Variants in WDR7 observed in about 807,000 individuals in gnomAD.
The protein encoded by WDR7 is WD repeat domain 7, also known as WD repeat-containing protein 7.
A neutral mutation model predicts 169.4 loss-of-function variants in WDR7; 46 were observed. The ratio of observed to expected loss-of-function variants is 0.27; its 90% CI spans 0.21 to 0.35. The LOEUF (loss-of-function observed/expected upper bound fraction) is 0.35. WDR7 is among the 10% of genes least tolerant of loss of function. The probability of loss-of-function intolerance (pLI) is 1.00; values close to 1 mark genes in which losing one functional copy is unlikely to be tolerated. For synonymous variants in WDR7, 612 were observed against 666.8 expected (o/e 0.92, Z 1.27); for missense variants, 1,534 against 1,859.3 (o/e 0.83, Z 3.22).
intron 19 of WDR7, 92 bp downstream of exon 19, chr18:56,781,748 A>G: frequency 7.9e-7 from 1 of 1,261,626 alleles, no homozygotes; most frequent in Non-Finnish European, 1.0e-6. Context: ...ACCCATCAAC[A>G]AAAATGAGTC....
At chr18:56,917,042 A>G (rs2046638036) in intron 21 of WDR7, among the ~76,000 whole-genome samples, 3 of 152,126 alleles carry the variant, frequency 2.0e-5, no homozygotes, top group African/African-American at 7.2e-5. Flanking sequence ...CTAAAGATAC[A>G]AAAAATTAGC....
intron 19 of WDR7, among the ~76,000 whole-genome samples, chr18:56,794,410 C>T (rs530265892): frequency 8.9e-5 from 13 of 145,792 alleles, no homozygotes; most frequent in East Asian, 6.1e-4. Flanking sequence ...CCTGGGTTCA[C>T]GCCATTCTCC....
chr18:56,733,020 G>A (rs2026621141), intron 14 of WDR7, among the ~76,000 whole-genome samples: 1 of 152,202 alleles, frequency 6.6e-6, no homozygotes, highest in South Asian at 2.1e-4. Context: ...GTTATGAATG[G>A]CTTTTGTAAG....
chr18:56,724,226 T>TC (rs2026387729), intron 13 of WDR7, among the ~76,000 whole-genome samples: 1 of 149,932 alleles, frequency 6.7e-6, no homozygotes, highest in Non-Finnish European at 1.5e-5. Context: ...TTTTTTTTTT[T>TC]TTGAGACAGA....
At chr18:56,698,702 A>G (rs558399971) in intron 12 of WDR7, among the ~76,000 whole-genome samples, 1 of 152,358 alleles carries the variant, frequency 6.6e-6, no homozygotes, top group Admixed American at 6.5e-5. Context: ...AAATACTAAT[A>G]GACATATATG....
At chr18:56,747,281 C>G (rs537243815) in intron 14 of WDR7, among the ~76,000 whole-genome samples, 1 of 152,240 alleles carries the variant, frequency 6.6e-6, no homozygotes, top group South Asian at 2.1e-4. Context: ...GACTGACTGA[C>G]TTATCTCTCA....
At chr18:56,833,148 C>T (rs907536143) in intron 20 of WDR7, among the ~76,000 whole-genome samples, 8 of 151,838 alleles carry the variant, frequency 5.3e-5, no homozygotes, top group Non-Finnish European at 8.8e-5. Flanking sequence ...ACATAAACGA[C>T]CTGATGGAAC....
intron 20 of WDR7, among the ~76,000 whole-genome samples, chr18:56,824,907 T>C (rs1250766131): frequency 6.6e-6 from 1 of 152,236 alleles, no homozygotes; most frequent in East Asian, 1.9e-4. Context: ...CTTGTCTTAA[T>C]GAGCAGGTGG....
chr18:56,740,114 C>A (rs535876132), intron 14 of WDR7, among the ~76,000 whole-genome samples: 1 of 151,910 alleles, frequency 6.6e-6, no homozygotes, highest in Middle Eastern at 3.4e-3. Flanking sequence ...TAATCTTTGT[C>A]TCCCTCTGTG....
intron 26 of WDR7, among the ~76,000 whole-genome samples, chr18:57,015,772 G>T (rs1356403295): frequency 2.6e-5 from 4 of 152,230 alleles, no homozygotes; most frequent in African/African-American, 9.6e-5. Flanking sequence ...GCGTTGCCGG[G>T]TATCATTAAG....
intron 19 of WDR7, among the ~76,000 whole-genome samples, chr18:56,809,093 TC>T (rs947097084): frequency 3.9e-5 from 6 of 152,098 alleles, no homozygotes; most frequent in Non-Finnish European, 7.4e-5. Context: ...GCCCCCATTT[TC>T]CTCCTGATGC....
rs76921132 is a variant in WDR7 at position 56,940,265 on chromosome 18, A to G, written c.4064+872A>G. On this transcript the variant is annotated intron_variant, in intron 25 of 27. Transcript: ENST00000254442. ...TGAATACATTGTAGTAGAAAGCTTC[A>G]TTTTAGACTACAGCTTTCCTGAGAG... 8.1e-3 allele frequency among the ~76,000 whole-genome samples: 1,230 copies of G among 152,284 alleles called. 37 individuals carry two copies. The highest frequency in any genetic ancestry group is 0.053 in the East Asian group (274 of 5,182).
chr18:56,835,698 A>G (rs1308644030), intron 20 of WDR7, among the ~76,000 whole-genome samples: 1 of 152,190 alleles, frequency 6.6e-6, no homozygotes, highest in Non-Finnish European at 1.5e-5. Context: ...GAGTATTTAT[A>G]AGAATGTATA....
At chr18:57,011,809 C>G (rs1285105929) in intron 26 of WDR7, among the ~76,000 whole-genome samples, 1 of 152,076 alleles carries the variant, frequency 6.6e-6, no homozygotes, top group Non-Finnish European at 1.5e-5. Context: ...CTTTTCAATA[C>G]TAGAGAGTTT....
Position 56,757,037 on chromosome 18 carries a change from T to C in WDR7, c.2444T>C (p.Val815Ala), listed in dbSNP as rs747440049. 2.5e-6 allele frequency: 4 copies of C among 1,614,122 alleles called. No individual in the cohort carries two copies. The highest frequency in any genetic ancestry group is 3.4e-6 in the Non-Finnish European group (4 of 1,180,010). ...SCLHAWGLNE[V>A]LDEVCLDRLG... ...CTTCACGCCTGGGGTTTGAATGAAG[T>C]ACTGGATGAAGTTTGCCTGGATCGC... Residue 815 changes from valine to alanine, a missense_variant, in exon 15 of 28, where the codon GTA becomes GCA. By Grantham distance (64) the Val-to-Ala change is moderately conservative. Coordinates refer to ENST00000254442, the MANE Select transcript of WDR7 (RefSeq NM_015285.3).
intron 21 of WDR7, among the ~76,000 whole-genome samples, chr18:56,881,831 C>T (rs1198158624): frequency 6.6e-6 from 1 of 152,124 alleles, no homozygotes; most frequent in Non-Finnish European, 1.5e-5. Context: ...AAGGATCCAC[C>T]CACCTCAGCC....
At chr18:56,980,426 C>G (rs1392215190) in intron 26 of WDR7, among the ~76,000 whole-genome samples, 3 of 152,154 alleles carry the variant, frequency 2.0e-5, no homozygotes, top group Admixed American at 2.0e-4. Flanking sequence ...GCTCGTTCAT[C>G]CACTCATTCA....
intron 26 of WDR7, among the ~76,000 whole-genome samples, chr18:56,967,640 C>T (rs1453839865): frequency 1.3e-5 from 2 of 151,528 alleles, no homozygotes; most frequent in East Asian, 3.9e-4. Flanking sequence ...AATAACTGCT[C>T]GCTCTTTGCA....
rs184003172 is a variant in WDR7 at position 56,922,856 on chromosome 18, T to C, written c.3527-1066T>C. On this transcript the variant is annotated intron_variant, in intron 21 of 27. Transcript: ENST00000254442. ...TAATATAAAAATTATTATATACTTTTGTTGGTTGGATATGTTGTATTAAAG... is the reference window on the plus strand; with the variant it reads ...TAATATAAAAATTATTATATACTTTCGTTGGTTGGATATGTTGTATTAAAG... Among the ~76,000 whole-genome samples the C allele has an allele frequency of 1.8e-3, 274 of 152,326 alleles. 3 individuals carry two copies. The highest frequency in any genetic ancestry group is 3.3e-3 in the Non-Finnish European group (225 of 68,024).
Sources: allele counts gnomAD v4.1 joint callset (sites outside exome capture counted in the v4.1 genomes callset), GRCh38; gene constraint gnomAD v4.1.1; transcripts MANE v1.5; gene names NCBI Gene and HGNC (gene_info 2026-07-23, HGNC 2026-07-21).